Variants in CACTIN observed in about 807,000 individuals in gnomAD.
CACTIN encodes the protein splicing factor Cactin.
A neutral mutation model predicts 84.9 loss-of-function variants in CACTIN; 20 were observed. That is an observed-to-expected ratio of 0.24 (90% CI 0.17 to 0.34). The LOEUF is 0.34. Among genes scored for constraint, CACTIN ranks in the 10% least tolerant of loss-of-function variants. The pLI is 1.00. For synonymous variants in CACTIN, 549 were observed against 467.9 expected (o/e 1.17, Z -2.24); for missense variants, 897 against 1,117.2 (o/e 0.80, Z 2.81).
rs1278362542 is a variant in CACTIN at position 3,614,613 on chromosome 19, G to A, written c.1163-24C>T. 4 of 1,573,930 alleles carry A rather than the reference G, an allele frequency of 2.5e-6. No homozygotes were observed. In the African/African-American group the frequency reaches 4.0e-5, roughly 16 times the overall value. ...ACCTGCAGCGGGGTGGGGGCATGGG[G>A]GGGCGGTTCCACATTTCCTACGTGC... is the stretch of plus-strand genomic sequence containing the variant. On this transcript the variant is annotated intron_variant, in intron 6 of 9. Coordinates refer to ENST00000429344, the MANE Select transcript of CACTIN (RefSeq NM_001080543.2).
chr19:3,620,323 T>A (rs2033196584), intron 3 of CACTIN, 51 bp from the exon 4 acceptor site: 4 of 1,530,062 alleles, frequency 2.6e-6, no homozygotes, highest in Non-Finnish European at 3.5e-6. Context: ...TCTGCAGGGC[T>A]GCGGGGGGAG....
Position 3,611,021 on chromosome 19 carries a change from CG to C in CACTIN, c.*901del. ...CCACTGTCCTGATATGGGCAAAACT[CG>C]GGGTCACTGGTCTCATGCTCCAAGG... On this transcript the variant is annotated 3_prime_UTR_variant, in exon 10 of 10. Coordinates refer to ENST00000429344, the MANE Select transcript of CACTIN (RefSeq NM_001080543.2). 2.2e-6 allele frequency: 1 copy of C among 447,764 alleles called. No homozygotes were observed. The highest frequency in any genetic ancestry group is 1.6e-5 in the South Asian group (1 of 63,960). The allele number at this position is 447,764 out of a possible 1,614,324, so 27.7% of individuals were successfully genotyped here.
intron 7 of CACTIN, chr19:3,613,928 A>T (rs1261262264): frequency 4.6e-6 from 2 of 430,132 alleles, no homozygotes; most frequent in Non-Finnish European, 8.4e-6. Flanking sequence ...ACATTTACAA[A>T]TTAGCAGAGG....
rs763163777 is a variant in CACTIN at position 3,614,560 on chromosome 19, C to T, written c.1192G>A (p.Val398Ile). ...AACACCGACTGCACATCAGAGCTGA[C>T]GGAGGCGTTGACCCCCTCGCGGCGC... ...GERREGVNAS[V>I]SSDVQSVFKG... Residue 398 changes from valine (V) to isoleucine (I), a missense_variant, in exon 7 of 10, where the codon GTC becomes ATC. Physicochemically the swap from Val to Ile is conservative, Grantham distance 29 (BLOSUM62 3). Transcript: ENST00000429344. 2.5e-6 allele frequency: 4 copies of T among 1,607,430 alleles called. No homozygotes were observed. The highest frequency in any genetic ancestry group is 4.5e-5 in the East Asian group (2 of 44,596).
chr19:3,617,622 C>A (rs2033132050), intron 6 of CACTIN, among the ~76,000 whole-genome samples: 1 of 151,396 alleles, frequency 6.6e-6, no homozygotes, highest in East Asian at 1.9e-4. Flanking sequence ...GAAACGCCTC[C>A]CAGTCTTACA....
chr19:3,621,142 C>T, intron 2 of CACTIN: 1 of 424,826 alleles, frequency 2.4e-6, no homozygotes, highest in Non-Finnish European at 4.4e-6. Context: ...TTGCTCGGGG[C>T]CTGCTGACTC....
chr19:3,626,544 C>A (rs2033338583), intron 1 of CACTIN, 52 bp downstream of exon 1: 3 of 1,311,092 alleles, frequency 2.3e-6, no homozygotes, highest in East Asian at 6.2e-5. Context: ...CTCGGTCGGG[C>A]GCTCCTGAGG....
chr19:3,618,043 G>A (rs2033141293), intron 6 of CACTIN, among the ~76,000 whole-genome samples: 1 of 152,334 alleles, frequency 6.6e-6, no homozygotes, highest in Admixed American at 6.5e-5. Flanking sequence ...CAAGGCCTGA[G>A]AGGGAGGGCA....
chr19:3,611,996 C>T lies in CACTIN; in HGVS notation c.2204G>A (p.Gly735Asp). The change falls in exon 10 of 10, where the codon GGC (glycine) becomes GAC (aspartate). Residue 735 changes from glycine to aspartate, a missense_variant. By Grantham distance (94) the Gly-to-Asp change is moderately conservative (BLOSUM62 -1). Coordinates refer to ENST00000429344, the MANE Select transcript of CACTIN (RefSeq NM_001080543.2). Reference protein sequence around the residue: ...NREWEYSHRHGFRCQFANGIF... With the variant: ...NREWEYSHRHDFRCQFANGIF... ...GCCGTTGGCAAACTGGCAGCGGAAG[C>T]CGTGGCGGTGCGAGTATTCCCACTC... The T allele has an allele frequency of 6.2e-7, 1 of 1,613,618 alleles. No homozygotes were observed. The highest frequency in any genetic ancestry group is 8.5e-7 in the Non-Finnish European group (1 of 1,179,904).
intron 4 of CACTIN, 123 bp from the exon 5 acceptor site, chr19:3,619,365 AG>A (rs1468819712): frequency 8.5e-6 from 10 of 1,171,032 alleles, no homozygotes; most frequent in Non-Finnish European, 1.2e-5. Context: ...GGGGGTGGTC[AG>A]GGAAGGCTTC....
intron 2 of CACTIN, 89 bp from the exon 3 acceptor site, chr19:3,620,891 C>T (rs1428965264): frequency 9.6e-7 from 1 of 1,041,220 alleles, no homozygotes; most frequent in East Asian, 2.5e-5. Context: ...TGACCAGGGC[C>T]CTTGTTTTGC....
chr19:3,620,159 C>T lies in CACTIN; in HGVS notation c.852G>A (p.Glu284=), dbSNP rs2033192283. 3 of 1,611,772 alleles carry T rather than the reference C, an allele frequency of 1.9e-6. No individual in the cohort carries two copies. The highest frequency in any genetic ancestry group is 2.5e-6 in the Non-Finnish European group (3 of 1,179,750). ...AEHFKTWEEQ[E]DNFHLQQAKL... is the part of the protein sequence containing the mutation. ...TGGCCTGCTGGAGGTGGAAGTTGTC[C>T]TCCTGCTCCTCCCATGTCTTGAAGT... is the stretch of plus-strand genomic sequence containing the variant. The change falls in exon 4 of 10, where the codon GAG becomes GAA. Residue 284 remains glutamate, a synonymous_variant. Transcript: ENST00000429344.
chr19:3,614,061 G>A (rs1035492062), intron 7 of CACTIN: 2 of 493,738 alleles, frequency 4.1e-6, no homozygotes, highest in Non-Finnish European at 7.4e-6. Context: ...CAGGCAGGCC[G>A]CCTGGGGGCT....
intron 7 of CACTIN, 171 bp from the exon 8 acceptor site, chr19:3,613,757 T>C (rs2033036929): frequency 4.4e-6 from 4 of 903,186 alleles, no homozygotes; most frequent in African/African-American, 3.4e-5. Flanking sequence ...TCAAGGCTTA[T>C]GGGAGAGAGG....
At chr19:3,618,250 G>A (rs534563641) in intron 6 of CACTIN, among the ~76,000 whole-genome samples, 18 of 151,622 alleles carry the variant, frequency 1.2e-4, no homozygotes, top group African/African-American at 3.9e-4. Flanking sequence ...GGACATCTGC[G>A]GTTGTCAGGA....
At chr19:3,624,580 T>A (rs1019481761) in intron 1 of CACTIN, among the ~76,000 whole-genome samples, 3 of 151,788 alleles carry the variant, frequency 2.0e-5, no homozygotes, top group Non-Finnish European at 2.9e-5. Flanking sequence ...CCTGCCACAT[T>A]CTAAGAACAA....
chr19:3,624,922 A>C (rs1008120935), intron 1 of CACTIN, among the ~76,000 whole-genome samples: 6 of 151,672 alleles, frequency 4.0e-5, no homozygotes, highest in African/African-American at 1.5e-4. Context: ...TTAGAGACAG[A>C]GTCTCCCTCT....
intron 7 of CACTIN, chr19:3,613,827 C>T: frequency 1.8e-6 from 1 of 566,280 alleles, no homozygotes; most frequent in Non-Finnish European, 3.1e-6. Flanking sequence ...GGGTCTCTGT[C>T]TCACGCTGCA....
At chr19:3,624,519 G>A (rs139120291) in intron 1 of CACTIN, among the ~76,000 whole-genome samples, 1 of 152,270 alleles carries the variant, frequency 6.6e-6, no homozygotes, top group Non-Finnish European at 1.5e-5. Context: ...TGGATTCGGA[G>A]GGAGAGTGCT....
Sources: gnomAD v4.1 joint callset for allele counts (sites outside exome capture counted in the v4.1 genomes callset) on GRCh38, gnomAD v4.1.1 for gene constraint, MANE v1.5 for transcripts, NCBI Gene and HGNC (gene_info 2026-07-23, HGNC 2026-07-21) for gene names.